The following FSTL3 variants were observed in gnomAD, a reference collection of about 807,000 sequenced individuals.
The protein encoded by FSTL3 is follistatin like 3, also known as follistatin-related protein 3.
FSTL3 carries 21 observed loss-of-function variants against 28.1 expected under a neutral mutation model. That is an observed-to-expected ratio of 0.75 (90% confidence interval 0.53 to 1.08). The LOEUF (loss-of-function observed/expected upper bound fraction) is 1.08, where lower values mean the gene tolerates loss of function less well. FSTL3 is among the 50% of genes least tolerant of loss of function. The pLI, the probability that FSTL3 is intolerant of heterozygous loss-of-function variation, is 0.00. For synonymous variants in FSTL3, 199 were observed against 164.2 expected (o/e 1.21, Z -1.62); for missense variants, 400 against 380.9 (o/e 1.05, Z -0.42).
intron 2 of FSTL3, 61 bp downstream of exon 2, chr19:678,038 A>AT: frequency 6.6e-7 from 1 of 1,518,586 alleles, no homozygotes; most frequent in East Asian, 2.3e-5. Context: ...ACAAACAGTC[A>AT]TGGTGGTCGA....
Position 676,545 on chromosome 19 carries a change from GGGGC to G in FSTL3, c.103+27_103+30del, listed in dbSNP as rs1339949441. 1 of 821,386 alleles carries G rather than the reference GGGGC, an allele frequency of 1.2e-6. No individual in the cohort carries two copies. Among genetic ancestry groups the G allele is most frequent in the Non-Finnish European group, 1.6e-6 (1 of 633,570 alleles). 50.9% of individuals were successfully genotyped at this position (821,386 alleles called of 1,614,324 possible). The stretch of plus-strand genomic sequence containing the variant: ...GCGCCCGGTGAGTGGGGCGGCCAGA[GGGGC>G]GGGCGGGGCGGGCCACCCACGTGGG... On this transcript the variant is annotated intron_variant, in intron 1 of 4. Transcript: ENST00000166139.
chr19:681,194 A>G (rs1376336870), intron 3 of FSTL3, 139 bp from the exon 4 acceptor site: 5 of 428,984 alleles, frequency 1.2e-5, no homozygotes, highest in Non-Finnish European at 1.9e-5. Context: ...AGGGGGGCTC[A>G]CGGGGGGCGG....
rs142713124 is a variant in FSTL3, at chr19:682,501, CAAG to C, written c.*797_*799del. 1,437 of 234,104 alleles carry C rather than the reference CAAG, an allele frequency of 6.1e-3. 7 individuals carry two copies. The highest frequency in any genetic ancestry group is 9.5e-3 in the Non-Finnish European group (1,123 of 118,618). 14.5% of individuals were successfully genotyped at this position (234,104 alleles called of 1,614,324 possible). On this transcript the variant is annotated 3_prime_UTR_variant, in exon 5 of 5. Transcript: ENST00000166139. ...AGCAAGCCAGGCCCTTCATGAAGGCCAAGAAGGCTGCCACCATTCCCTGCCAGC... is the reference window on the plus strand; with the variant it reads ...AGCAAGCCAGGCCCTTCATGAAGGCCAAGGCTGCCACCATTCCCTGCCAGC...
chr19:680,696 G>A (rs564988053), intron 3 of FSTL3: 7 of 370,740 alleles, frequency 1.9e-5, no homozygotes, highest in East Asian at 1.2e-4. Context: ...GCCTGCTGGA[G>A]GGGCGGGGCC....
Position 680,375 on chromosome 19 carries a change from C to G in FSTL3, c.391C>G (p.Arg131Gly), listed in dbSNP as rs1234193949. The G allele has an allele frequency of 3.1e-6, 4 of 1,282,236 alleles. No individual in the cohort carries two copies. Among genetic ancestry groups the G allele is most frequent in the Non-Finnish European group, 3.9e-6 (4 of 1,017,626 alleles). The allele number at this position is 1,282,236 out of a possible 1,614,324, so 79.4% of individuals were successfully genotyped here. A position where few individuals can be genotyped will look rare whatever the true frequency, so the allele number is the denominator to read the frequency against. ...GCCCGACTGCTCGGGGCTCCCGGCGCGGCTGCAGGTCTGCGGCTCAGACGG... is the reference window on the plus strand; with the variant it reads ...GCCCGACTGCTCGGGGCTCCCGGCGGGGCTGCAGGTCTGCGGCTCAGACGG... ...CAPDCSGLPARLQVCGSDGAT... is the reference protein window; with the variant it reads ...CAPDCSGLPAGLQVCGSDGAT... The change falls in exon 3 of 5, where the codon CGG (arginine) becomes GGG (glycine). Residue 131 changes from arginine to glycine, a missense_variant. Physicochemically the swap from Arg to Gly is moderately radical, Grantham distance 125 (BLOSUM62 -2). Transcript: ENST00000166139.
At chr19:677,646 C>T (rs62134282) in intron 1 of FSTL3, 146 bp from the exon 2 acceptor site, 314,889 of 736,580 alleles carry the variant, frequency 0.43, 72,625 homozygotes, top group Non-Finnish European at 0.48. Context: ...GTGGGGACAC[C>T]CATGTGGTTT....
At position 680,315 on chromosome 19, in the gene FSTL3, C is replaced by A; in HGVS notation, c.331C>A (p.Arg111Ser). 1.5e-6 allele frequency: 2 copies of A among 1,290,400 alleles called. No homozygotes were observed. The highest frequency in any genetic ancestry group is 2.4e-5 in the South Asian group (1 of 42,494). 79.9% of individuals were successfully genotyped at this position (1,290,400 alleles called of 1,614,324 possible). ...GVECGPGKACRMLGGRPRCEC... is the reference protein window; with the variant it reads ...GVECGPGKACSMLGGRPRCEC... ...GGAGTGCGGCCCGGGCAAGGCGTGC[C>A]GCATGCTGGGGGGCCGCCCGCGCTG... The change falls in exon 3 of 5, where the codon CGC becomes AGC. Residue 111 changes from arginine (R) to serine (S), a missense_variant. Coordinates refer to ENST00000166139, the MANE Select transcript of FSTL3 (RefSeq NM_005860.3).
At chr19:680,214 GCGGCCCCACGCCCGGGACCCTCCCGCGCC>G in intron 2 of FSTL3, 31 bp from the exon 3 acceptor site, 6 of 1,146,294 alleles carry the variant, frequency 5.2e-6, no homozygotes, top group South Asian at 2.3e-5. Context: ...AGGCCTTCGC[GCGGCCCCACGCCCGGGACCCTCCCGCGCC>G]CGGCCCCACG....
At position 681,690 on chromosome 19, in the gene FSTL3, G is replaced by C; in HGVS notation, c.774G>C (p.Glu258Asp). The change falls in exon 5 of 5, where the codon GAG (glutamate) becomes GAC (aspartate). Residue 258 changes from glutamate (E) to aspartate (D), a missense_variant. Physicochemically the swap from Glu to Asp is conservative, Grantham distance 45. Transcript: ENST00000166139. ...CGCCAGGTGGTGAGTCTGCAGAAGA[G>C]GAAGAGAACTTCGTGTGAGCCTGCA... ...EEPPGGESAEEEENFV is the reference protein window; with the variant it reads ...EEPPGGESAEDEENFV 2 of 1,564,386 alleles carry C rather than the reference G, an allele frequency of 1.3e-6. No homozygotes were observed. The highest frequency in any genetic ancestry group is 1.7e-6 in the Non-Finnish European group (2 of 1,155,068).
chr19:679,410 C>CA (rs1168801326), intron 2 of FSTL3, among the ~76,000 whole-genome samples: 3 of 152,148 alleles, frequency 2.0e-5, no homozygotes, highest in Non-Finnish European at 4.4e-5. Flanking sequence ...ACTTTACACA[C>CA]AGAGAAACTG....
chr19:677,553 GGGTGGGGGTT>G (rs2144797201), intron 1 of FSTL3, among the ~76,000 whole-genome samples: 1 of 151,740 alleles, frequency 6.6e-6, no homozygotes, highest in East Asian at 1.9e-4. Context: ...CTCCTGGGGT[GGGTGGGGGTT>G]GGTGGTGAGG....
intron 3 of FSTL3, among the ~76,000 whole-genome samples, chr19:681,084 T>C (rs1452945400): frequency 6.7e-6 from 1 of 148,562 alleles, no homozygotes; most frequent in Middle Eastern, 3.2e-3. Context: ...GGGCGGGGCT[T>C]TGGGTAGCAT....
intron 1 of FSTL3, among the ~76,000 whole-genome samples, chr19:677,171 G>A (rs984493775): frequency 1.3e-5 from 2 of 152,194 alleles, no homozygotes; most frequent in African/African-American, 4.8e-5. Flanking sequence ...AGGGACGGGG[G>A]AAGAAATGGG....
At chr19:678,785 A>G (rs1024199702) in intron 2 of FSTL3, among the ~76,000 whole-genome samples, 2 of 152,174 alleles carry the variant, frequency 1.3e-5, no homozygotes, top group Non-Finnish European at 2.9e-5. Context: ...TGCTGGGATT[A>G]CAGGCGTGAG....
intron 2 of FSTL3, among the ~76,000 whole-genome samples, chr19:678,650 G>A (rs2031264012): frequency 6.6e-6 from 1 of 151,886 alleles, no homozygotes; most frequent in African/African-American, 2.4e-5. Flanking sequence ...GGCTGGGACT[G>A]CAGGCGCGCG....
Position 683,019 on chromosome 19 carries a change from C to T in FSTL3, c.*1311C>T. ...ACCCAGACTCCAGCCAGACCTGCCT[C>T]ACCCACCAATGCAGCCGGGGCTGGC... On this transcript the variant is annotated 3_prime_UTR_variant, in exon 5 of 5. Coordinates refer to ENST00000166139, the MANE Select transcript of FSTL3 (RefSeq NM_005860.3). 4.3e-6 allele frequency: 1 copy of T among 233,412 alleles called. No homozygotes were observed. The highest frequency in any genetic ancestry group is 6.0e-5 in the East Asian group (1 of 16,564). 14.5% of individuals were successfully genotyped at this position (233,412 alleles called of 1,614,324 possible).
At position 682,038 on chromosome 19, in the gene FSTL3, T is replaced by G; in HGVS notation, c.*330T>G. 3 of 458,258 alleles carry G rather than the reference T, an allele frequency of 6.5e-6. No homozygotes were observed. The highest frequency in any genetic ancestry group is 3.7e-5 in the East Asian group (1 of 26,840). 28.4% of individuals were successfully genotyped at this position (458,258 alleles called of 1,614,324 possible). A position where few individuals can be genotyped will look rare whatever the true frequency, so the allele number is the denominator to read the frequency against. Reference sequence around the variant, plus strand: ...CCTTTGGGGATAAACCTATTAATTATTGCTACTATCAAGAGGGCTGGGCAT... The same window carrying G: ...CCTTTGGGGATAAACCTATTAATTAGTGCTACTATCAAGAGGGCTGGGCAT... On this transcript the variant is annotated 3_prime_UTR_variant, in exon 5 of 5. Coordinates refer to ENST00000166139, the MANE Select transcript of FSTL3 (RefSeq NM_005860.3).
rs763829032 is a variant in FSTL3, at chr19:681,461, G to A, written c.634G>A (p.Gly212Ser). The A allele has an allele frequency of 1.7e-5, 28 of 1,600,614 alleles. No individual in the cohort carries two copies. Among genetic ancestry groups the A allele is most frequent in the Admixed American group, 3.3e-5 (2 of 59,916 alleles). ...VPSSPGQELC[G>S]NNNVTYISSC... ...CTCCAGCCCCGGCCAGGAGCTTTGC[G>A]GCAACAACAACGTCACCTACATCTC... Residue 212 changes from glycine to serine, a missense_variant, in exon 4 of 5, where the codon GGC becomes AGC. Gly to Ser is a moderately conservative substitution (Grantham distance 56). Transcript: ENST00000166139.
In FSTL3 at chr19:681,920, C is replaced by G. The variant is rs1568203968; in HGVS notation, c.*212C>G. The G allele has an allele frequency of 1.7e-6, 1 of 599,374 alleles. No individual in the cohort carries two copies. 37.1% of individuals were successfully genotyped at this position (599,374 alleles called of 1,614,324 possible). A position where few individuals can be genotyped will look rare whatever the true frequency, so the allele number is the denominator to read the frequency against. ...CTGGTGGGTGGGATAGACCTGCGTT[C>G]CGGACACTGAGCGCCTGATTTAGGG... On this transcript the variant is annotated 3_prime_UTR_variant, in exon 5 of 5. Transcript: ENST00000166139.
Sources: allele counts gnomAD v4.1 joint callset (sites outside exome capture counted in the v4.1 genomes callset), GRCh38; gene constraint gnomAD v4.1.1; transcripts MANE v1.5; gene names NCBI Gene and HGNC (gene_info 2026-07-23, HGNC 2026-07-21).